The following SYBU variants were observed in gnomAD, a reference collection of about 807,000 sequenced individuals.
The protein encoded by SYBU is syntabulin.
In SYBU, 21 loss-of-function variants were observed where a neutral mutation model predicts 35.9. That is an observed-to-expected ratio of 0.58 (90% CI 0.41 to 0.84). The LOEUF (loss-of-function observed/expected upper bound fraction) is 0.84. Ranked by LOEUF, SYBU falls within the 40% of genes least tolerant of loss-of-function variation. The probability of loss-of-function intolerance (pLI) is 0.00; values close to 1 mark genes in which losing one functional copy is unlikely to be tolerated. For missense variants in SYBU, 768 were observed against 848.2 expected (o/e 0.91, Z 1.17); for synonymous variants, 319 against 324.3 (o/e 0.98, Z 0.18).
At chr8:109,637,959 A>G (rs1814409473) in intron 2 of SYBU, among the ~76,000 whole-genome samples, 1 of 152,210 alleles carries the variant, frequency 6.6e-6, no homozygotes, top group Non-Finnish European at 1.5e-5. Flanking sequence ...TTAGACTGCA[A>G]AGAATCTCAG....
At chr8:109,645,634 T>TTTG (rs1463999424), upstream of SYBU, 1 of 164,922 alleles carries the variant, frequency 6.1e-6, no homozygotes, top group African/African-American at 2.8e-5. Flanking sequence ...TCGTTTTTTG[T>TTTG]TTTTTTTTTT....
At chr8:109,632,644 T>C (rs531385250) in intron 2 of SYBU, among the ~76,000 whole-genome samples, 16 of 144,894 alleles carry the variant, frequency 1.1e-4, no homozygotes, top group African/African-American at 4.3e-4. Context: ...ATTTACTTCT[T>C]TTTTAAAAAA....
At chr8:109,605,966 C>T (rs528752286) in intron 3 of SYBU, among the ~76,000 whole-genome samples, 2 of 152,328 alleles carry the variant, frequency 1.3e-5, no homozygotes, top group Non-Finnish European at 2.9e-5. Context: ...ATGGCTCAGA[C>T]TGTGGTATCT....
chr8:109,591,041 T>A (rs1563692362), intron 3 of SYBU, among the ~76,000 whole-genome samples: 1 of 152,232 alleles, frequency 6.6e-6, no homozygotes, highest in East Asian at 1.9e-4. Context: ...GAATTTATTC[T>A]GCACATAAGG....
chr8:109,626,830 C>T (rs1386180914), intron 2 of SYBU, among the ~76,000 whole-genome samples: 1 of 152,198 alleles, frequency 6.6e-6, no homozygotes, highest in East Asian at 1.9e-4. Context: ...TGCACCACTG[C>T]ACTCCAGCCT....
chr8:109,609,019 A>T (rs1282220815), intron 3 of SYBU, among the ~76,000 whole-genome samples: 1 of 152,200 alleles, frequency 6.6e-6, no homozygotes, highest in East Asian at 1.9e-4. Context: ...ACAGTTAAAG[A>T]AAAAGAGAGA....
In SYBU at chr8:109,575,989, C is replaced by T; in HGVS notation, c.909G>A (p.Lys303=). The T allele has an allele frequency of 3.2e-6, 5 of 1,542,036 alleles. No homozygotes were observed. The highest frequency in any genetic ancestry group is 4.4e-6 in the Non-Finnish European group (5 of 1,141,096). ...HERESEIVEL[K]SQLARMREDW... is the part of the protein sequence containing the mutation. ...CCTCTCGCATGCGGGCCAGCTGGGACTTAAGCTCCACGATTTCACTTTCCC... is the reference window on the plus strand; with the variant it reads ...CCTCTCGCATGCGGGCCAGCTGGGATTTAAGCTCCACGATTTCACTTTCCC... Residue 303 remains lysine, a synonymous_variant, in exon 7 of 7, where the codon AAG becomes AAA. Transcript: ENST00000276646.
chr8:109,674,252 A>C (rs1466192983), intron 1 of SYBU, among the ~76,000 whole-genome samples: 1 of 20,688 alleles, frequency 4.8e-5, no homozygotes, highest in East Asian at 6.3e-4. Flanking sequence ...GGTTGAAATG[A>C]AAAAAAAAAA....
At position 109,601,436 on chromosome 8, in the gene SYBU, G is replaced by C. The variant is rs142389715; in HGVS notation, c.428-15274C>G. On this transcript the variant is annotated intron_variant, in intron 3 of 6. Coordinates refer to ENST00000276646, the MANE Select transcript of SYBU (RefSeq NM_001099754.2). Reference sequence around the variant, plus strand: ...CACTTCCTAGGCTAAGGCACTGGATGGGGGAGGCATGGAGAAACAGTTCCA... The same window carrying C: ...CACTTCCTAGGCTAAGGCACTGGATCGGGGAGGCATGGAGAAACAGTTCCA... Among the ~76,000 whole-genome samples the C allele has an allele frequency of 3.9e-5, 6 of 152,204 alleles. No individual in the cohort carries two copies. The East Asian group carries it at 1.2e-3, about 29-fold the overall frequency.
chr8:109,601,508 C>A (rs968514133), intron 3 of SYBU, among the ~76,000 whole-genome samples: 9 of 152,050 alleles, frequency 5.9e-5, no homozygotes, highest in East Asian at 1.9e-4. Flanking sequence ...AGACAAACAA[C>A]CAGGATATAA....
chr8:109,677,954 GA>G (rs1817251094), intron 1 of SYBU, among the ~76,000 whole-genome samples: 1 of 151,762 alleles, frequency 6.6e-6, no homozygotes. Context: ...TACCAACATG[GA>G]AAAACCCCAT....
At chr8:109,581,207 C>G (rs1165150664) in intron 4 of SYBU, 2 of 152,206 alleles carry the variant, frequency 1.3e-5, no homozygotes, top group African/African-American at 2.4e-5. Flanking sequence ...TTCTATCCTC[C>G]TACTTTTGAT....
Position 109,618,895 on chromosome 8 carries a change from C to T in SYBU, c.374G>A (p.Ser125Asn), listed in dbSNP as rs1206621797. ...KCTIGMVGEG[S>N]IQSSRYKKES... is the part of the protein sequence containing the mutation. ...CTTCTTATATCGAGAGGACTGAATGCTTCCTTCACCAACCATTCCAATCGT... is the reference window on the plus strand; with the variant it reads ...CTTCTTATATCGAGAGGACTGAATGTTTCCTTCACCAACCATTCCAATCGT... Residue 125 changes from serine to asparagine, a missense_variant, in exon 3 of 7, where the codon AGC becomes AAC. Transcript: ENST00000276646. The T allele has an allele frequency of 1.5e-5, 25 of 1,614,062 alleles. No homozygotes were observed. The highest frequency in any genetic ancestry group is 1.6e-4 in the Middle Eastern group (1 of 6,084).
At chr8:109,576,479 C>G (rs973272246) in intron 6 of SYBU, among the ~76,000 whole-genome samples, 1 of 152,182 alleles carries the variant, frequency 6.6e-6, no homozygotes, top group Non-Finnish European at 1.5e-5. Flanking sequence ...CCTACCCTTT[C>G]CAAATGTCTA....
intron 1 of SYBU, among the ~76,000 whole-genome samples, chr8:109,652,541 C>T (rs922919832): frequency 5.9e-5 from 9 of 152,184 alleles, no homozygotes; most frequent in Non-Finnish European, 1.5e-5. Flanking sequence ...ATCTTGATCA[C>T]CTAGGACGGC....
upstream of SYBU, among the ~76,000 whole-genome samples, chr8:109,685,051 T>G (rs1187870339): frequency 6.6e-6 from 1 of 152,138 alleles, no homozygotes; most frequent in African/African-American, 2.4e-5. Context: ...TTTGGCATAG[T>G]AATAGTTAAA....
At position 109,574,336 on chromosome 8, in the gene SYBU, C is replaced by T. The variant is rs1469928155; in HGVS notation, c.*570G>A. 4 of 152,602 alleles carry T rather than the reference C, an allele frequency of 2.6e-5. No homozygotes were observed. The highest frequency in any genetic ancestry group is 9.7e-5 in the African/African-American group (4 of 41,422). The allele number at this position is 152,602 out of a possible 1,614,324, so 9.5% of individuals were successfully genotyped here. A position where few individuals can be genotyped will look rare whatever the true frequency, so the allele number is the denominator to read the frequency against. Reference sequence around the variant, plus strand: ...ACTTATGCACAGTTTCATCAATTAACAGTTTAAGAACAAACAAGCCATTTA... The same window carrying T: ...ACTTATGCACAGTTTCATCAATTAATAGTTTAAGAACAAACAAGCCATTTA... On this transcript the variant is annotated 3_prime_UTR_variant, in exon 7 of 7. Transcript: ENST00000276646.
chr8:109,642,984 T>G lies in SYBU; in HGVS notation c.25-52A>C, dbSNP rs746893531. The G allele has an allele frequency of 6.9e-6, 10 of 1,454,314 alleles. No individual in the cohort carries two copies. The East Asian group carries it at 2.5e-4, about 37-fold the overall frequency. The allele number at this position is 1,454,314 out of a possible 1,614,324, so 90.1% of individuals were successfully genotyped here. On this transcript the variant is annotated intron_variant, in intron 1 of 6. Coordinates refer to ENST00000276646, the MANE Select transcript of SYBU (RefSeq NM_001099754.2). ...ACAAAAGGAAACGCGTTTCCCTCTC[T>G]TAACTCCTGTCGGTTCCTTCAAGGA...
chr8:109,645,435 G>A, upstream of SYBU: 1 of 424,838 alleles, frequency 2.4e-6, no homozygotes, highest in South Asian at 1.7e-5. Context: ...GAGAAGCCAG[G>A]CTGCTATGTA....
Sources: allele counts gnomAD v4.1 joint callset (sites outside exome capture counted in the v4.1 genomes callset), GRCh38; gene constraint gnomAD v4.1.1; transcripts MANE v1.5; gene names NCBI Gene and HGNC (gene_info 2026-07-23, HGNC 2026-07-21).